USH2A: variants seen among roughly 807,000 people sequenced by gnomAD.
USH2A encodes Usher syndrome 2A (autosomal recessive, mild).
Under a neutral mutation model 538.9 loss-of-function variants are expected in USH2A, and 443 were observed. The observed-to-expected ratio is 0.82, with a 90% confidence interval of 0.76 to 0.89. The LOEUF (loss-of-function observed/expected upper bound fraction) is 0.89, where lower values mean the gene tolerates loss of function less well. USH2A is among the 40% of genes least tolerant of loss of function. USH2A has a pLI of 0.00. For missense variants in USH2A, 6,633 were observed against 6,324.8 expected (o/e 1.05, Z -1.65); for synonymous variants, 2,413 against 2,273.5 (o/e 1.06, Z -1.75).
intron 6 of USH2A, among the ~76,000 whole-genome samples, chr1:216,324,673 T>G (rs1332823007): frequency 6.6e-6 from 1 of 152,166 alleles, no homozygotes; most frequent in Non-Finnish European, 1.5e-5. Context: ...TTGTATTAAT[T>G]TTTGCTACTT....
In USH2A at chr1:216,198,398, G is replaced by T. The variant is rs1282015565; in HGVS notation, c.3998C>A (p.Thr1333Asn). 1 of 1,613,868 alleles carries T rather than the reference G, an allele frequency of 6.2e-7. No homozygotes were observed. The highest frequency in any genetic ancestry group is 8.5e-7 in the Non-Finnish European group (1 of 1,179,974). The part of the protein sequence containing the change: ...MTTITGLEPY[T>N]KYEFRVLAVN... ...AGCTAAGACTCTGAACTCATACTTGGTGTATGGCTCCAAGCCAGTGATGGT... is the reference window on the plus strand; with the variant it reads ...AGCTAAGACTCTGAACTCATACTTGTTGTATGGCTCCAAGCCAGTGATGGT... Residue 1333 changes from threonine to asparagine, a missense_variant, in exon 18 of 72, where the codon ACC (threonine) becomes AAC (asparagine). By Grantham distance (65) the Thr-to-Asn change is moderately conservative. Coordinates refer to ENST00000307340, the MANE Select transcript of USH2A (RefSeq NM_206933.4).
At chr1:216,247,997 T>G (rs1017253839) in intron 12 of USH2A, among the ~76,000 whole-genome samples, 1 of 152,138 alleles carries the variant, frequency 6.6e-6, no homozygotes, top group Non-Finnish European at 1.5e-5. Flanking sequence ...AATCCACACA[T>G]TTAAGTAATT....
intron 46 of USH2A, among the ~76,000 whole-genome samples, chr1:215,843,074 T>G (rs1663729935): frequency 6.6e-6 from 1 of 152,102 alleles, no homozygotes; most frequent in Non-Finnish European, 1.5e-5. Context: ...GGTCTATGAG[T>G]CAGAGTAGGG....
chr1:216,174,784 A>G (rs1425455915), intron 21 of USH2A: 1 of 998,052 alleles, frequency 1.0e-6, no homozygotes, highest in Non-Finnish European at 1.2e-6. Flanking sequence ...AAAGAAAAAG[A>G]AAACATTACA....
intron 59 of USH2A, 72 bp downstream of exon 59, chr1:215,743,105 C>T (rs1263145970): frequency 1.3e-6 from 2 of 1,548,594 alleles, no homozygotes; most frequent in South Asian, 1.1e-5. Context: ...AGAATGTATT[C>T]CTTTTTAATG....
chr1:216,416,646 G>A (rs2102781175), intron 3 of USH2A, among the ~76,000 whole-genome samples: 1 of 152,220 alleles, frequency 6.6e-6, no homozygotes, highest in Admixed American at 6.5e-5. Context: ...GTATTGAAAT[G>A]ATAATGCTGA....
At chr1:216,145,629 A>G (rs529241525) in intron 21 of USH2A, among the ~76,000 whole-genome samples, 6 of 152,320 alleles carry the variant, frequency 3.9e-5, no homozygotes, top group Admixed American at 3.9e-4. Context: ...AAGCCAAGCC[A>G]TCGCATCCCC....
intron 35 of USH2A, among the ~76,000 whole-genome samples, chr1:215,976,807 T>C (rs75251854): frequency 0.019 from 2,826 of 152,198 alleles, 81 homozygotes; most frequent in African/African-American, 0.065. Flanking sequence ...TATTGGCCTG[T>C]AGTTTCCTTT....
intron 4 of USH2A, among the ~76,000 whole-genome samples, chr1:216,348,684 C>A (rs1056724912): frequency 6.6e-5 from 10 of 152,002 alleles, no homozygotes; most frequent in African/African-American, 2.4e-4. Flanking sequence ...CAAATCGATT[C>A]TATTATAATT....
intron 3 of USH2A, among the ~76,000 whole-genome samples, chr1:216,369,848 G>A (rs1045059577): frequency 6.0e-5 from 9 of 150,764 alleles, no homozygotes; most frequent in Non-Finnish European, 1.0e-4. Flanking sequence ...TTTTGAACCC[G>A]GGAGGCAGAG....
intron 64 of USH2A, among the ~76,000 whole-genome samples, chr1:215,668,797 A>G (rs1490563417): frequency 6.6e-6 from 1 of 152,182 alleles, no homozygotes; most frequent in East Asian, 1.9e-4. Flanking sequence ...TTGGGAGGTC[A>G]AGGCAGGCTG....
intron 3 of USH2A, among the ~76,000 whole-genome samples, chr1:216,401,157 G>T (rs2039297539): frequency 6.6e-6 from 1 of 152,014 alleles, no homozygotes; most frequent in African/African-American, 2.4e-5. Flanking sequence ...ATACTGAAAA[G>T]GTAGAATGAG....
rs1322484337 is a variant in USH2A at position 216,168,999 on chromosome 1, T to A, written c.4627+6253A>T. On this transcript the variant is annotated intron_variant, in intron 21 of 71. Transcript: ENST00000307340. ...GATTTCAGTAATAATAAAACTCAAG[T>A]TTCCCATACAGCAGGCTCTATGTGA... 2.0e-5 allele frequency among the ~76,000 whole-genome samples: 3 copies of A among 152,098 alleles called. No individual in the cohort carries two copies. The East Asian group carries it at 5.8e-4, about 29-fold the overall frequency.
intron 14 of USH2A, among the ~76,000 whole-genome samples, chr1:216,223,924 T>C (rs1425271486): frequency 6.6e-5 from 10 of 152,176 alleles, no homozygotes; most frequent in Non-Finnish European, 1.5e-4. Context: ...GTAGAACATT[T>C]GCAGTAAAAC....
chr1:216,216,518 T>C (rs115398529), intron 15 of USH2A, among the ~76,000 whole-genome samples: 2,282 of 152,142 alleles, frequency 0.015, 21 homozygotes, highest in Non-Finnish European at 0.024. Flanking sequence ...TTTCCTATCA[T>C]TGTGACTCAT....
chr1:215,695,125 A>G (rs1318898214), intron 61 of USH2A, among the ~76,000 whole-genome samples: 1 of 152,216 alleles, frequency 6.6e-6, no homozygotes, highest in African/African-American at 2.4e-5. Flanking sequence ...GTTATGAGAC[A>G]TTCTTATCAA....
chr1:215,715,289 T>C (rs1571979567), intron 61 of USH2A, among the ~76,000 whole-genome samples: 2 of 152,326 alleles, frequency 1.3e-5, no homozygotes, highest in East Asian at 1.9e-4. Flanking sequence ...ATTATACTTT[T>C]AATTGTTGAT....
At chr1:215,701,428 T>C (rs1432344087) in intron 61 of USH2A, among the ~76,000 whole-genome samples, 1 of 152,196 alleles carries the variant, frequency 6.6e-6, no homozygotes, top group African/African-American at 2.4e-5. Flanking sequence ...TGTTAAAGTC[T>C]CTCACTATTA....
At chr1:216,342,958 C>G (rs2038104138) in intron 4 of USH2A, among the ~76,000 whole-genome samples, 3 of 151,956 alleles carry the variant, frequency 2.0e-5, no homozygotes, top group Non-Finnish European at 4.4e-5. Flanking sequence ...ATGTAACAAA[C>G]TTTCACGTTA....
Sources: allele counts gnomAD v4.1 joint callset (sites outside exome capture counted in the v4.1 genomes callset), GRCh38; gene constraint gnomAD v4.1.1; transcripts MANE v1.5; gene names NCBI Gene and HGNC (gene_info 2026-07-23, HGNC 2026-07-21).